PKHD1: variants seen among roughly 807,000 people sequenced by gnomAD.
The protein encoded by PKHD1 is PKHD1 ciliary IPT domain containing fibrocystin/polyductin.
In PKHD1, 291 loss-of-function variants were observed where a neutral mutation model predicts 412.0. That is an observed-to-expected ratio of 0.71 (90% CI 0.64 to 0.78). The LOEUF (loss-of-function observed/expected upper bound fraction) is 0.78, where lower values mean the gene tolerates loss of function less well. Ranked by LOEUF, PKHD1 falls within the 30% of genes least tolerant of loss-of-function variation. The pLI is 0.00. For synonymous variants in PKHD1, 1,777 were observed against 1,821.5 expected (o/e 0.98, Z 0.62); for missense variants, 4,825 against 4,950.7 (o/e 0.97, Z 0.76).
chr6:51,915,419 C>T (rs1482646085), intron 37 of PKHD1, among the ~76,000 whole-genome samples: 1 of 152,122 alleles, frequency 6.6e-6, no homozygotes, highest in Non-Finnish European at 1.5e-5. Flanking sequence ...TTGTCTCCCC[C>T]ACTAAACATA....
chr6:51,761,195 T>C (rs1787952400), intron 55 of PKHD1, among the ~76,000 whole-genome samples: 1 of 151,966 alleles, frequency 6.6e-6, no homozygotes, highest in Non-Finnish European at 1.5e-5. Flanking sequence ...GACAAATGAA[T>C]GGATAAAGAA....
At chr6:51,896,863 G>C (rs1264911757) in intron 43 of PKHD1, among the ~76,000 whole-genome samples, 1 of 152,128 alleles carries the variant, frequency 6.6e-6, no homozygotes, top group Non-Finnish European at 1.5e-5. Flanking sequence ...ACTACGTGAA[G>C]AATGCAGAAG....
chr6:52,020,895 T>G (rs1045063152), intron 33 of PKHD1, among the ~76,000 whole-genome samples: 2 of 128,666 alleles, frequency 1.6e-5, no homozygotes, highest in African/African-American at 5.8e-5. Flanking sequence ...TGATGTCCAT[T>G]ATAGACCTAC....
chr6:52,016,526 C>T (rs1800555882), intron 34 of PKHD1, among the ~76,000 whole-genome samples: 1 of 151,192 alleles, frequency 6.6e-6, no homozygotes, highest in Non-Finnish European at 1.5e-5. Context: ...ATCCCAGCTA[C>T]TGGGGAGGCT....
At chr6:51,866,422 AC>A (rs2151751917) in intron 48 of PKHD1, among the ~76,000 whole-genome samples, 1 of 152,252 alleles carries the variant, frequency 6.6e-6, no homozygotes, top group East Asian at 1.9e-4. Flanking sequence ...ATTTTTCTTG[AC>A]CTTGTCAGTC....
In PKHD1 at chr6:51,984,428, C is replaced by T. The variant is rs557107326; in HGVS notation, c.5752-24402G>A. Among the ~76,000 whole-genome samples, 36 of 152,342 alleles carry T rather than the reference C, an allele frequency of 2.4e-4. No individual in the cohort carries two copies. In the South Asian group the frequency reaches 7.0e-3, roughly 30 times the overall value. On this transcript the variant is annotated intron_variant, in intron 35 of 66. Coordinates refer to ENST00000371117, the MANE Select transcript of PKHD1 (RefSeq NM_138694.4). ...GTAAAATGAAAAAGAGGGATTGAGTCTGAAAGAAAAGCATACTCACACATA... is the reference window on the plus strand; with the variant it reads ...GTAAAATGAAAAAGAGGGATTGAGTTTGAAAGAAAAGCATACTCACACATA...
At chr6:51,912,614 A>G in intron 37 of PKHD1, 38 bp from the exon 38 acceptor site, 1 of 1,307,184 alleles carries the variant, frequency 7.7e-7, no homozygotes, top group Non-Finnish European at 1.1e-6. Flanking sequence ...AGATAATTTA[A>G]TCATTAATCA....
Position 52,027,911 on chromosome 6 carries a change from C to T in PKHD1, c.3561-15G>A, listed in dbSNP as rs759535803. 2.5e-6 allele frequency: 4 copies of T among 1,598,690 alleles called. No individual in the cohort carries two copies. Among genetic ancestry groups the T allele is most frequent in the East Asian group, 4.5e-5 (2 of 44,830 alleles). On this transcript the variant is annotated splice_polypyrimidine_tract_variant and intron_variant, in intron 30 of 66. Transcript: ENST00000371117. ...GGAGATCAACCCTACAGAAGATAGG[C>T]AGATGTTTAGGAAATAACTGACAGA... is the stretch of plus-strand genomic sequence containing the variant.
chr6:52,053,836 C>A (rs1346973084), intron 20 of PKHD1, among the ~76,000 whole-genome samples: 1 of 152,180 alleles, frequency 6.6e-6, no homozygotes, highest in Non-Finnish European at 1.5e-5. Flanking sequence ...ATGTCAGACT[C>A]CCTCTAGGGA....
chr6:51,730,488 G>A (rs980991348), intron 60 of PKHD1, among the ~76,000 whole-genome samples: 2 of 152,134 alleles, frequency 1.3e-5, no homozygotes, highest in African/African-American at 4.8e-5. Flanking sequence ...TGCTATTTTT[G>A]TTATAAACTA....
At chr6:51,741,307 A>T (rs1212287993) in intron 60 of PKHD1, 1 of 465,406 alleles carries the variant, frequency 2.1e-6, no homozygotes, top group Non-Finnish European at 4.3e-6. Context: ...ACTCACCTTC[A>T]TACACCAAAG....
chr6:51,912,127 T>C lies in PKHD1; in HGVS notation c.6333-171A>G, dbSNP rs987308738. Among the ~76,000 whole-genome samples, 36 of 152,124 alleles carry C rather than the reference T, an allele frequency of 2.4e-4. 1 individual carries two copies. Among genetic ancestry groups the C allele is most frequent in the Non-Finnish European group, 8.8e-5 (6 of 68,012 alleles). On this transcript the variant is annotated intron_variant, in intron 38 of 66. Transcript: ENST00000371117. ...ACAAGTACATGAAAATTAGAAACTA[T>C]GCTGATCATTGCCCCAAACATTTGT...
intron 52 of PKHD1, among the ~76,000 whole-genome samples, chr6:51,797,680 G>A (rs1196934066): frequency 2.6e-5 from 4 of 151,632 alleles, no homozygotes; most frequent in African/African-American, 7.3e-5. Context: ...CCTTTATTTT[G>A]AACCTATGTG....
intron 36 of PKHD1, among the ~76,000 whole-genome samples, chr6:51,943,881 C>T (rs904264391): frequency 6.6e-6 from 1 of 151,432 alleles, no homozygotes; most frequent in African/African-American, 2.4e-5. Flanking sequence ...CCCTGAGAAA[C>T]ATCGCCCATT....
chr6:51,973,305 A>G (rs569636189), intron 35 of PKHD1, among the ~76,000 whole-genome samples: 12 of 152,238 alleles, frequency 7.9e-5, no homozygotes, highest in Non-Finnish European at 1.5e-4. Flanking sequence ...CCTTCCAAAA[A>G]ATCATAAAGC....
At position 51,744,380 on chromosome 6, in the gene PKHD1, C is replaced by T. The variant is rs769448357; in HGVS notation, c.10156+5G>A. 3.1e-6 allele frequency: 5 copies of T among 1,613,368 alleles called. No homozygotes were observed. The highest frequency in any genetic ancestry group is 4.2e-6 in the Non-Finnish European group (5 of 1,179,380). ...CCACAGGCATTGCATTCAGATATAG[C>T]TTACCTGCGTTGAAGAAGGATGCAG... is the stretch of plus-strand genomic sequence containing the variant. On this transcript the variant is annotated splice_donor_5th_base_variant and intron_variant, in intron 60 of 66. Coordinates refer to ENST00000371117, the MANE Select transcript of PKHD1 (RefSeq NM_138694.4).
At chr6:51,657,897 C>T (rs184371001) in intron 61 of PKHD1, among the ~76,000 whole-genome samples, 133 of 152,154 alleles carry the variant, frequency 8.7e-4, no homozygotes, top group Non-Finnish European at 2.2e-4. Context: ...AAGCTCAGTA[C>T]TGTAAAATCT....
intron 21 of PKHD1, among the ~76,000 whole-genome samples, chr6:52,051,037 C>T (rs1046367320): frequency 3.3e-5 from 5 of 152,310 alleles, no homozygotes; most frequent in Admixed American, 3.3e-4. Flanking sequence ...AAGGGCAACA[C>T]CTTTGTCTAA....
intron 34 of PKHD1, among the ~76,000 whole-genome samples, chr6:52,011,974 T>G (rs1008003819): frequency 1.3e-5 from 2 of 152,196 alleles, no homozygotes; most frequent in Non-Finnish European, 2.9e-5. Flanking sequence ...TATACTTAGA[T>G]AGTGGTCAAT....
Sources: gnomAD v4.1 joint callset for allele counts (sites outside exome capture counted in the v4.1 genomes callset) on GRCh38, gnomAD v4.1.1 for gene constraint, MANE v1.5 for transcripts, NCBI Gene and HGNC (gene_info 2026-07-23, HGNC 2026-07-21) for gene names.